HEATR3: variants seen among roughly 807,000 people sequenced by gnomAD.
HEATR3 encodes HEAT repeat containing 3, also known as HEAT repeat-containing protein 3.
Under a neutral mutation model 72.8 loss-of-function variants are expected in HEATR3, and 56 were observed. The observed-to-expected ratio is 0.77, with a 90% CI of 0.62 to 0.96. HEATR3 has a LOEUF of 0.96. Among genes scored for constraint, HEATR3 ranks in the 40% least tolerant of loss-of-function variants. The pLI, the probability that HEATR3 is intolerant of heterozygous loss-of-function variation, is 0.00. For missense variants in HEATR3, 747 were observed against 831.4 expected (o/e 0.90, Z 1.25); for synonymous variants, 331 against 318.1 (o/e 1.04, Z -0.43).
At chr16:50,066,720 A>G (rs2036505926) in intron 2 of HEATR3, 181 bp downstream of exon 2, 1 of 511,964 alleles carries the variant, frequency 2.0e-6, no homozygotes, top group Non-Finnish European at 3.0e-6. Flanking sequence ...CCCGCATCTC[A>G]TCTGTCCACC....
intron 11 of HEATR3, 71 bp downstream of exon 11, chr16:50,086,422 G>T: frequency 6.8e-7 from 1 of 1,473,306 alleles, no homozygotes. Context: ...TTTGGATTTT[G>T]TAAATGTATA....
intron 12 of HEATR3, among the ~76,000 whole-genome samples, chr16:50,097,365 A>G (rs1187270779): frequency 1.6e-5 from 2 of 123,030 alleles, no homozygotes; most frequent in Middle Eastern, 0.01. Context: ...TTTTCAGAAT[A>G]GCTATCCTAG....
intron 2 of HEATR3, among the ~76,000 whole-genome samples, chr16:50,067,834 G>A (rs2036532469): frequency 6.6e-6 from 1 of 152,196 alleles, no homozygotes; most frequent in Admixed American, 6.5e-5. Flanking sequence ...GTGGGCATGG[G>A]GTAATGAGCA....
Sources: allele counts gnomAD v4.1 joint callset (sites outside exome capture counted in the v4.1 genomes callset), GRCh38; gene constraint gnomAD v4.1.1; transcripts MANE v1.5; gene names NCBI Gene and HGNC (gene_info 2026-07-23, HGNC 2026-07-21).